The following SGTA variants were observed in gnomAD, a reference collection of about 807,000 sequenced individuals.
The protein encoded by SGTA is small glutamine rich tetratricopeptide repeat co-chaperone alpha, also known as small glutamine-rich tetratricopeptide repeat-containing protein alpha.
In SGTA, 22 loss-of-function variants were observed where a neutral mutation model predicts 44.3. The observed-to-expected ratio is 0.50, with a 90% CI of 0.36 to 0.71. The LOEUF is 0.71. SGTA is among the 30% of genes least tolerant of loss of function. SGTA has a pLI of 0.00. For synonymous variants in SGTA, 174 were observed against 177.6 expected, an observed-to-expected ratio of 0.98 and a Z score of 0.16; for missense variants, 341 against 435.9, an observed-to-expected ratio of 0.78 and a Z score of 1.94.
Position 2,767,744 on chromosome 19 carries a change from T to C in SGTA, c.101-58A>G, listed in dbSNP as rs1915188493. ...GCACGCAGCCCCGAGGTTACGTTTT[T>C]GGGTCTAGAGGGCGGGGTTGGTGCT... is the stretch of plus-strand genomic sequence containing the variant. On this transcript the variant is annotated intron_variant, in intron 2 of 11. Transcript: ENST00000221566. This position sits in a 1 kb window ranked among gnomAD's most constrained non-coding sequence, Gnocchi z 7.3. 2 of 1,409,238 alleles carry C rather than the reference T, an allele frequency of 1.4e-6. No individual in the cohort carries two copies. Among genetic ancestry groups the C allele is most frequent in the South Asian group, 1.2e-5 (1 of 86,310 alleles). The allele number at this position is 1,409,238 out of a possible 1,614,324, so 87.3% of individuals were successfully genotyped here.
chr19:2,762,513 G>A lies in SGTA; in HGVS notation c.629C>T (p.Pro210Leu), dbSNP rs1915024987. The part of the protein sequence containing the change: ...KIAELKLREA[P>L]SPTGGVGSFD... ...CGCCCCCGCTGCACTCACGGGGCTG[G>A]GGGCCTCCCGCAGCTTCAGCTCCGC... The change falls in exon 7 of 12, where the codon CCC (proline) becomes CTC (leucine). Residue 210 changes from proline (P) to leucine (L), a missense_variant. Pro to Leu is a moderately conservative substitution (Grantham distance 98, BLOSUM62 -3). Transcript: ENST00000221566. The A allele has an allele frequency of 1.9e-6, 3 of 1,613,888 alleles. No homozygotes were observed. Among genetic ancestry groups the A allele is most frequent in the Non-Finnish European group, 2.5e-6 (3 of 1,179,968 alleles).
rs529101495 is a variant in SGTA, at chr19:2,768,901, G to C, written c.100+68C>G. On this transcript the variant is annotated intron_variant, in intron 2 of 11. Coordinates refer to ENST00000221566, the MANE Select transcript of SGTA (RefSeq NM_003021.4). ...GGGGGACCAGGCATCTACACACCAG[G>C]TGTCTACACGAGGCGACTGTGCTGG... 2.0e-5 allele frequency: 23 copies of C among 1,130,360 alleles called. No individual in the cohort carries two copies. In the African/African-American group the frequency reaches 3.3e-4, roughly 16 times the overall value. 70.0% of individuals were successfully genotyped at this position (1,130,360 alleles called of 1,614,324 possible).
intron 1 of SGTA, among the ~76,000 whole-genome samples, chr19:2,772,165 G>A (rs537259259): frequency 1.4e-3 from 218 of 152,362 alleles, no homozygotes; most frequent in Non-Finnish European, 2.5e-3. Flanking sequence ...GGGAACCACC[G>A]TGAGGAGAAG....
intron 1 of SGTA, among the ~76,000 whole-genome samples, chr19:2,769,899 C>T (rs1448945689): frequency 7.1e-6 from 1 of 141,524 alleles, no homozygotes; most frequent in Non-Finnish European, 1.6e-5. Context: ...TCCTGGTTCC[C>T]CCAGCGGACA....
At chr19:2,766,478 G>A (rs1915146084) in intron 4 of SGTA, among the ~76,000 whole-genome samples, 1 of 151,642 alleles carries the variant, frequency 6.6e-6, no homozygotes, top group African/African-American at 2.4e-5. Context: ...TATCGCCCAG[G>A]CTGGAGTGCA....
At chr19:2,771,627 C>T (rs879649882) in intron 1 of SGTA, among the ~76,000 whole-genome samples, 1 of 151,064 alleles carries the variant, frequency 6.6e-6, no homozygotes, top group South Asian at 2.1e-4. Context: ...TGAGTGAACA[C>T]CCCCACACAG....
chr19:2,761,378 C>T lies in SGTA; in HGVS notation c.699+82G>A, dbSNP rs538532799. The T allele has an allele frequency of 7.3e-5, 93 of 1,281,478 alleles. No homozygotes were observed. Among genetic ancestry groups the T allele is most frequent in the Non-Finnish European group, 9.8e-5 (89 of 906,152 alleles). The allele number at this position is 1,281,478 out of a possible 1,614,324, so 79.4% of individuals were successfully genotyped here. ...GCCAGCAGTGCCAAGGCAAGGAAGC[C>T]CTGGCCAGTAGCGGACACAGCAGAT... On this transcript the variant is annotated intron_variant, in intron 8 of 11. Coordinates refer to ENST00000221566, the MANE Select transcript of SGTA (RefSeq NM_003021.4). This position sits in a 1 kb window ranked among gnomAD's most constrained non-coding sequence, Gnocchi z 5.7.
intron 1 of SGTA, among the ~76,000 whole-genome samples, chr19:2,778,359 G>C (rs966875714): frequency 2.0e-5 from 3 of 152,126 alleles, no homozygotes; most frequent in African/African-American, 7.2e-5. Flanking sequence ...GGACAGGGTG[G>C]CAGGTGGCTA....
rs983399143 is a variant in SGTA, at chr19:2,767,572, A to G, written c.207+8T>C. On this transcript the variant is annotated splice_region_variant and intron_variant, in intron 3 of 11. Transcript: ENST00000221566. The surrounding 1 kb of genome is among the most constrained non-coding windows in gnomAD (Gnocchi z 7.3). ...GGGGGCAGTGGCTGGGGAAGCATCG[A>G]GGCTCACCTTGCCCGTGGCAGCCGC... is the stretch of plus-strand genomic sequence containing the variant. 4 of 1,609,000 alleles carry G rather than the reference A, an allele frequency of 2.5e-6. No individual in the cohort carries two copies. The African/African-American group carries it at 5.3e-5, about 22-fold the overall frequency.
chr19:2,756,616 C>A (rs1914824957), intron 11 of SGTA, among the ~76,000 whole-genome samples: 1 of 152,118 alleles, frequency 6.6e-6, no homozygotes, highest in African/African-American at 2.4e-5. Flanking sequence ...GGAAACACCT[C>A]TGGGGAGGCC....
chr19:2,765,291 G>A lies in SGTA; in HGVS notation c.293-6C>T, dbSNP rs1328174924. On this transcript the variant is annotated splice_polypyrimidine_tract_variant and splice_region_variant and intron_variant, in intron 4 of 11. Coordinates refer to ENST00000221566, the MANE Select transcript of SGTA (RefSeq NM_003021.4). The surrounding 1 kb of genome is among the most constrained non-coding windows in gnomAD (Gnocchi z 5.5). Reference sequence around the variant, plus strand: ...CACTTTCATCTGCTCGTTTCCTACAGGGAGAGAGGAAAACACCGGCCCGGT... The same window carrying A: ...CACTTTCATCTGCTCGTTTCCTACAAGGAGAGAGGAAAACACCGGCCCGGT... The A allele has an allele frequency of 1.9e-6, 3 of 1,608,564 alleles. No homozygotes were observed. The highest frequency in any genetic ancestry group is 2.6e-6 in the Non-Finnish European group (3 of 1,175,402).
In SGTA at chr19:2,761,307, C is replaced by T. The variant is rs1055350460; in HGVS notation, c.699+153G>A. Among the ~76,000 whole-genome samples, 1 of 152,154 alleles carries T rather than the reference C, an allele frequency of 6.6e-6. No homozygotes were observed. The highest frequency in any genetic ancestry group is 2.4e-5 in the African/African-American group (1 of 41,420). ...GGCCAGGGGTGCTGCCAGCGCCCTG[C>T]GGTGCCCAGGACGACCCCACAGACA... On this transcript the variant is annotated intron_variant, in intron 8 of 11. Coordinates refer to ENST00000221566, the MANE Select transcript of SGTA (RefSeq NM_003021.4). The surrounding 1 kb of genome is among the most constrained non-coding windows in gnomAD (Gnocchi z 5.7).
chr19:2,755,753 T>G lies in SGTA; in HGVS notation c.*187A>C, dbSNP rs919803483. On this transcript the variant is annotated 3_prime_UTR_variant, in exon 12 of 12. Transcript: ENST00000221566. This position sits in a 1 kb window ranked among gnomAD's most constrained non-coding sequence, Gnocchi z 5.2. Reference sequence around the variant, plus strand: ...CGTTTCAAGAAGGGTCTGGGGGCTGTAAGGGAGTTACAAAAAGGGAGTGGA... The same window carrying G: ...CGTTTCAAGAAGGGTCTGGGGGCTGGAAGGGAGTTACAAAAAGGGAGTGGA... 3 of 985,350 alleles carry G rather than the reference T, an allele frequency of 3.0e-6. No homozygotes were observed. The highest frequency in any genetic ancestry group is 3.5e-5 in the African/African-American group (2 of 57,260). 61.0% of individuals were successfully genotyped at this position (985,350 alleles called of 1,614,324 possible). A position where few individuals can be genotyped will look rare whatever the true frequency, so the allele number is the denominator to read the frequency against.
At chr19:2,782,201 C>G (rs1305027525) in intron 1 of SGTA, among the ~76,000 whole-genome samples, 1 of 152,178 alleles carries the variant, frequency 6.6e-6, no homozygotes, top group Non-Finnish European at 1.5e-5. Flanking sequence ...TCCACCAACT[C>G]CAAACCAGGG....
intron 4 of SGTA, among the ~76,000 whole-genome samples, chr19:2,766,297 G>A (rs531140779): frequency 2.0e-5 from 3 of 152,244 alleles, no homozygotes; most frequent in South Asian, 2.1e-4. Context: ...ATGTCTTCAC[G>A]GTGCATCTGC....
chr19:2,765,964 A>G lies in SGTA; in HGVS notation c.293-679T>C, dbSNP rs1397904084. On this transcript the variant is annotated intron_variant, in intron 4 of 11. Coordinates refer to ENST00000221566, the MANE Select transcript of SGTA (RefSeq NM_003021.4). This position sits in a 1 kb window ranked among gnomAD's most constrained non-coding sequence, Gnocchi z 5.5. Reference sequence around the variant, plus strand: ...CCGGGCGCGGTGGCTCATGCTTATAATCCCAGCACTTTGGGAGGCCGACGC... The same window carrying G: ...CCGGGCGCGGTGGCTCATGCTTATAGTCCCAGCACTTTGGGAGGCCGACGC... Among the ~76,000 whole-genome samples the G allele has an allele frequency of 6.6e-6, 1 of 152,194 alleles. No homozygotes were observed. Among genetic ancestry groups the G allele is most frequent in the Admixed American group, 6.5e-5 (1 of 15,284 alleles).
intron 1 of SGTA, among the ~76,000 whole-genome samples, chr19:2,774,372 G>C (rs972172830): frequency 1.3e-5 from 2 of 152,200 alleles, no homozygotes; most frequent in South Asian, 4.1e-4. Flanking sequence ...GAGGGACACG[G>C]AGGGAGGGAG....
intron 2 of SGTA, among the ~76,000 whole-genome samples, chr19:2,768,308 C>T (rs1195544244): frequency 6.6e-6 from 1 of 152,178 alleles, no homozygotes; most frequent in Non-Finnish European, 1.5e-5. Flanking sequence ...GGGTCAGCCA[C>T]TTCCTGCCCA....
intron 11 of SGTA, among the ~76,000 whole-genome samples, 196 bp downstream of exon 11, chr19:2,757,141 T>A (rs963793945): frequency 6.6e-6 from 1 of 152,138 alleles, no homozygotes; most frequent in Non-Finnish European, 1.5e-5. Flanking sequence ...AGGGGCCCAA[T>A]GCCCAGAGAT....
Sources: gnomAD v4.1 joint callset for allele counts (sites outside exome capture counted in the v4.1 genomes callset) on GRCh38, gnomAD v4.1.1 for gene constraint, Gnocchi (gnomAD v3.1) non-coding constraint, MANE v1.5 for transcripts, NCBI Gene and HGNC (gene_info 2026-07-23, HGNC 2026-07-21) for gene names.